MACF1: variants seen among roughly 807,000 people sequenced by gnomAD.
MACF1 encodes microtubule actin crosslinking factor 1.
In MACF1, 193 loss-of-function variants were observed where a neutral mutation model predicts 854.8. The ratio of observed to expected loss-of-function variants is 0.23; its 90% CI spans 0.20 to 0.25. The LOEUF is 0.25. Among genes scored for constraint, MACF1 ranks in the 10% least tolerant of loss-of-function variants. MACF1 has a pLI of 1.00. For synonymous variants in MACF1, 3,185 were observed against 3,226.7 expected, an observed-to-expected ratio of 0.99 and a Z score of 0.44; for missense variants, 7,722 against 8,929.1, an observed-to-expected ratio of 0.86 and a Z score of 5.45.
At chr1:39,412,056 G>A in intron 58 of MACF1, 2 of 1,613,978 alleles carry the variant, frequency 1.2e-6, no homozygotes, top group Non-Finnish European at 1.7e-6. Context: ...CACTGGAAAA[G>A]CTGGACCCAG....
Position 39,351,032 on chromosome 1 carries a change from A to C in MACF1, c.11199+14A>C. The C allele has an allele frequency of 6.3e-7, 1 of 1,576,320 alleles. No individual in the cohort carries two copies. The highest frequency in any genetic ancestry group is 8.6e-7 in the Non-Finnish European group (1 of 1,158,474). On this transcript the variant is annotated intron_variant, in intron 43 of 100. Transcript: ENST00000564288. ...GAGACTGAAAAGGTAATAGACTGCT[A>C]TGACGCTTGATATTTTTCAAAAAAG...
At chr1:39,259,671 A>G (rs1645136859) in intron 6 of MACF1, among the ~76,000 whole-genome samples, 1 of 150,558 alleles carries the variant, frequency 6.6e-6, no homozygotes, top group Non-Finnish European at 1.5e-5. Flanking sequence ...TGCCCGGGCT[A>G]GAGTGCAATG....
intron 51 of MACF1, among the ~76,000 whole-genome samples, chr1:39,370,865 CA>C (rs956105369): frequency 2.0e-5 from 3 of 150,996 alleles, no homozygotes; most frequent in Middle Eastern, 3.4e-3. Context: ...AAAACAGAAA[CA>C]AAAAAAAACT....
Position 39,406,756 on chromosome 1 carries a change from A to AAAAAAAAAAAAAAAAAAAAAC in MACF1, c.15817-15616_15817-15615insAAAAAAAAAAAAAAAAAACAA, listed in dbSNP as rs746955922. Among the ~76,000 whole-genome samples, 273 of 115,994 alleles carry AAAAAAAAAAAAAAAAAAAAAC rather than the reference A, an allele frequency of 2.4e-3. 39 individuals are homozygous for AAAAAAAAAAAAAAAAAAAAAC. Among genetic ancestry groups the AAAAAAAAAAAAAAAAAAAAAC allele is most frequent in the African/African-American group, 4.9e-3 (128 of 26,064 alleles). The allele number at this position is 115,994 out of a possible 152,430, so 76.1% of individuals were successfully genotyped here. ...TCTCACTCAAAAAAAAAAAAAAAAA[A>AAAAAAAAAAAAAAAAAAAAAC]AACATTCTTTATAATAGAATAACCA... On this transcript the variant is annotated intron_variant, in intron 58 of 100. Transcript: ENST00000564288.
chr1:39,186,208 CTCTCTCTGTGTGTGTGTGTGTG>C (rs1252975380), intron 2 of MACF1, among the ~76,000 whole-genome samples: 12 of 62,294 alleles, frequency 1.9e-4, no homozygotes, highest in Admixed American at 4.9e-4. Flanking sequence ...CTCTCTCTCT[CTCTCTCTGTGTGTGTGTGTGTG>C]TGTGTGTGTG....
chr1:39,468,748 A>T lies in MACF1; in HGVS notation c.21889+16A>T. 9 of 1,603,584 alleles carry T rather than the reference A, an allele frequency of 5.6e-6. No homozygotes were observed. The highest frequency in any genetic ancestry group is 7.7e-6 in the Non-Finnish European group (9 of 1,170,402). On this transcript the variant is annotated intron_variant, in intron 96 of 100. Coordinates refer to ENST00000564288, the MANE Select transcript of MACF1 (RefSeq NM_001394062.1). ...CCCTGCCGAGGTAAGGAACCATTCT[A>T]AGCATGAATTACGTGTTAGGTATGC...
Position 39,357,501 on chromosome 1 carries a change from C to G in MACF1, c.11551C>G (p.Leu3851Val), listed in dbSNP as rs567933379. ...GGAGCAACAGATGCTGCAACAGAAG[C>G]TGGGAGAGCTAAAGGAACAATACTC... Reference protein sequence around the residue: ...PEEQQMLQQKLGELKEQYSTS... With the variant: ...PEEQQMLQQKVGELKEQYSTS... Residue 3851 changes from leucine to valine, a missense_variant, in exon 45 of 101, where the codon CTG becomes GTG. By Grantham distance (32) the Leu-to-Val change is conservative. Around this residue, in one of 15 missense-constraint regions of MACF1, gnomAD observed 2,807 missense variants for 3,235.8 expected, o/e 0.87. Coordinates refer to ENST00000564288, the MANE Select transcript of MACF1 (RefSeq NM_001394062.1). 1.2e-6 allele frequency: 2 copies of G among 1,614,166 alleles called. No homozygotes were observed. Among genetic ancestry groups the G allele is most frequent in the South Asian group, 2.2e-5 (2 of 91,082 alleles).
Position 39,444,849 on chromosome 1 carries a change from T to G in MACF1, c.19605+14T>G. ...GAAGAAAGAAAGGTACAGTGTATGA[T>G]CCCCATGTTTGAGTAATTTGCTGAG... On this transcript the variant is annotated intron_variant, in intron 80 of 100. Transcript: ENST00000564288. 1 of 1,563,874 alleles carries G rather than the reference T, an allele frequency of 6.4e-7. No homozygotes were observed.
chr1:39,428,066 T>A lies in MACF1; in HGVS notation c.16582T>A (p.Ser5528Thr). 1 of 1,614,168 alleles carries A rather than the reference T, an allele frequency of 6.2e-7. No individual in the cohort carries two copies. Among genetic ancestry groups the A allele is most frequent in the Non-Finnish European group, 8.5e-7 (1 of 1,180,038 alleles). Residue 5528 changes from serine to threonine, a missense_variant, in exon 63 of 101, where the codon TCA becomes ACA. Around this residue, in one of 15 missense-constraint regions of MACF1, gnomAD observed 2,807 missense variants for 3,235.8 expected, o/e 0.87. Coordinates refer to ENST00000564288, the MANE Select transcript of MACF1 (RefSeq NM_001394062.1). ...LTSPAEQGVL[S>T]EKIDSLQARY... ...ATCTCCTGCAGAACAGGGTGTGCTG[T>A]CAGAAAAGATAGACTCATTGCAGGC...
chr1:39,094,025 G>A (rs918618648), intron 2 of MACF1, among the ~76,000 whole-genome samples: 19 of 148,860 alleles, frequency 1.3e-4, no homozygotes, highest in Admixed American at 9.4e-4. Context: ...GTGATCCACC[G>A]CCTCGGCCTC....
chr1:39,274,446 TC>T lies in MACF1; in HGVS notation c.529-7761del, dbSNP rs200997307. Among the ~76,000 whole-genome samples the T allele has an allele frequency of 5.0e-3, 761 of 152,314 alleles. 9 individuals are homozygous for T. The highest frequency in any genetic ancestry group is 0.017 in the African/African-American group (715 of 41,570). ...CATCTGTAATGAACATGTACAGACT[TC>T]ATTATTCCCTAAACAAGATAACAAC... On this transcript the variant is annotated intron_variant, in intron 6 of 100. Transcript: ENST00000564288.
chr1:39,408,399 T>C (rs1029949425), intron 58 of MACF1, among the ~76,000 whole-genome samples: 3 of 151,374 alleles, frequency 2.0e-5, no homozygotes, highest in Admixed American at 6.6e-5. Context: ...AAGGCTGGAG[T>C]GTTCTTCGGT....
In MACF1 at chr1:39,283,536, A is replaced by G. The variant is rs1442960448; in HGVS notation, c.915+21A>G. ...CTACGGTAAAAGAACATTTTCCTAG[A>G]AGGCCTTCTGACTTTGATTCATTTG... On this transcript the variant is annotated intron_variant, in intron 9 of 100. Transcript: ENST00000564288. This position sits in a 1 kb window ranked among gnomAD's most constrained non-coding sequence, Gnocchi z 4.5. 1 of 1,534,418 alleles carries G rather than the reference A, an allele frequency of 6.5e-7. No homozygotes were observed. Among genetic ancestry groups the G allele is most frequent in the East Asian group, 2.2e-5 (1 of 44,476 alleles).
intron 93 of MACF1, among the ~76,000 whole-genome samples, chr1:39,463,266 C>G (rs1644592076): frequency 6.6e-6 from 1 of 152,110 alleles, no homozygotes; most frequent in Non-Finnish European, 1.5e-5. Context: ...GCAGGCGGAT[C>G]ACCTGAGGTC....
chr1:39,451,034 T>C lies in MACF1; in HGVS notation c.20259-18T>C. ...AAAGGAATCCCTAAAAATGGTAGCG[T>C]TTGTGTGCATTTCTCAGGCAGCACA... On this transcript the variant is annotated intron_variant, in intron 84 of 100. Transcript: ENST00000564288. 1 of 1,609,680 alleles carries C rather than the reference T, an allele frequency of 6.2e-7. No individual in the cohort carries two copies. Among genetic ancestry groups the C allele is most frequent in the Non-Finnish European group, 8.5e-7 (1 of 1,178,268 alleles).
intron 23 of MACF1, among the ~76,000 whole-genome samples, chr1:39,305,669 C>G (rs1646157946): frequency 2.0e-5 from 3 of 152,150 alleles, no homozygotes; most frequent in Admixed American, 2.0e-4. Flanking sequence ...CCACATCTTA[C>G]TCTAGGGGAC....
intron 2 of MACF1, among the ~76,000 whole-genome samples, chr1:39,170,788 A>G (rs1643938054): frequency 6.6e-6 from 1 of 152,214 alleles, no homozygotes; most frequent in Non-Finnish European, 1.5e-5. Flanking sequence ...AGCACCTAAT[A>G]TTGGATGAAG....
chr1:39,347,331 T>C, intron 41 of MACF1, 121 bp downstream of exon 41: 1 of 747,814 alleles, frequency 1.3e-6, no homozygotes, highest in Non-Finnish European at 2.3e-6. Flanking sequence ...TTTTGAAATT[T>C]CATGTCATGC....
At chr1:39,266,231 T>G (rs1312688013) in intron 6 of MACF1, among the ~76,000 whole-genome samples, 1 of 152,220 alleles carries the variant, frequency 6.6e-6, no homozygotes, top group Admixed American at 6.5e-5. Context: ...TTGGTTTGCT[T>G]GTATGTCATT....
Sources: allele counts gnomAD v4.1 joint callset (sites outside exome capture counted in the v4.1 genomes callset), GRCh38; gene constraint gnomAD v4.1.1; regional missense constraint gnomAD v4.1.1; non-coding constraint Gnocchi (gnomAD v3.1); transcripts MANE v1.5; gene names NCBI Gene and HGNC (gene_info 2026-07-23, HGNC 2026-07-21).